The following COL21A1 variants were observed in gnomAD, a reference collection of about 807,000 sequenced individuals.
COL21A1 encodes the protein collagen alpha-1(XXI) chain.
COL21A1 carries 149 observed loss-of-function variants against 137.9 expected under a neutral mutation model. That is an observed-to-expected ratio of 1.08 (90% CI 0.95 to 1.24). COL21A1 has a LOEUF of 1.24. Ranked by LOEUF, COL21A1 falls within the 50% of genes most tolerant of loss-of-function variation. The pLI is 0.00. For synonymous variants in COL21A1, 456 were observed against 391.5 expected (o/e 1.16, Z -1.95); for missense variants, 1,167 against 1,158.4 (o/e 1.01, Z -0.11).
At chr6:56,306,334 T>G (rs1764451231) in intron 1 of COL21A1, among the ~76,000 whole-genome samples, 1 of 151,354 alleles carries the variant, frequency 6.6e-6, no homozygotes, top group South Asian at 2.1e-4. Flanking sequence ...GTTTTCCAAT[T>G]TGGTTCCATT....
chr6:56,267,284 T>C (rs1243340131), intron 1 of COL21A1, among the ~76,000 whole-genome samples: 2 of 152,212 alleles, frequency 1.3e-5, no homozygotes, highest in Non-Finnish European at 2.9e-5. Flanking sequence ...CCTAGTAACA[T>C]TGCCTGAATT....
chr6:56,373,736 C>CT (rs992386559), intron 1 of COL21A1, among the ~76,000 whole-genome samples: 1 of 152,134 alleles, frequency 6.6e-6, no homozygotes, highest in Non-Finnish European at 1.5e-5. Flanking sequence ...ACCTCACATA[C>CT]TTTTTTTGTA....
chr6:56,130,327 T>A (rs1167692275), intron 12 of COL21A1, among the ~76,000 whole-genome samples: 2 of 151,194 alleles, frequency 1.3e-5, no homozygotes, highest in Non-Finnish European at 2.9e-5. Flanking sequence ...GGCAGAGTTC[T>A]GAGAGAGAGA....
At chr6:56,324,940 G>A (rs1198961137) in intron 1 of COL21A1, among the ~76,000 whole-genome samples, 1 of 151,774 alleles carries the variant, frequency 6.6e-6, no homozygotes, top group African/African-American at 2.4e-5. Context: ...TATATACACA[G>A]TACTTTTATC....
intron 1 of COL21A1, among the ~76,000 whole-genome samples, chr6:56,237,199 T>A (rs1482611338): frequency 6.6e-6 from 1 of 152,032 alleles, no homozygotes; most frequent in African/African-American, 2.4e-5. Flanking sequence ...AGCAAAGTAG[T>A]GCACTCTAAA....
chr6:56,102,578 C>T (rs1770553584), intron 16 of COL21A1, among the ~76,000 whole-genome samples: 1 of 152,114 alleles, frequency 6.6e-6, no homozygotes, highest in Admixed American at 6.5e-5. Flanking sequence ...TCTAAGAATG[C>T]AATGCACTGA....
chr6:56,332,967 C>A (rs1439264409), intron 1 of COL21A1, among the ~76,000 whole-genome samples: 1 of 151,920 alleles, frequency 6.6e-6, no homozygotes, highest in Non-Finnish European at 1.5e-5. Context: ...TGTCATTTTT[C>A]ATTTAGTTTT....
chr6:56,359,963 C>CA (rs1299250884), intron 1 of COL21A1, among the ~76,000 whole-genome samples: 1 of 152,172 alleles, frequency 6.6e-6, no homozygotes, highest in Non-Finnish European at 1.5e-5. Flanking sequence ...ATGATGTGCT[C>CA]AAAACATCAC....
chr6:56,270,070 T>C (rs2152332247), intron 1 of COL21A1, among the ~76,000 whole-genome samples: 1 of 152,216 alleles, frequency 6.6e-6, no homozygotes, highest in Middle Eastern at 3.4e-3. Flanking sequence ...AAATAAAATT[T>C]CACATATCAA....
intron 1 of COL21A1, among the ~76,000 whole-genome samples, chr6:56,201,082 G>T (rs1320696479): frequency 2.9e-4 from 44 of 152,076 alleles, no homozygotes; most frequent in Admixed American, 2.1e-3. Flanking sequence ...TCATGTGTCT[G>T]TTGGCTGCAT....
chr6:56,283,888 T>A (rs1307192044), intron 1 of COL21A1, among the ~76,000 whole-genome samples: 6 of 151,944 alleles, frequency 3.9e-5, no homozygotes, highest in Admixed American at 2.0e-4. Context: ...TCTCTCTCTC[T>A]CTCTCTCTCT....
chr6:56,387,438 G>A (rs10456734), intron 1 of COL21A1, among the ~76,000 whole-genome samples: 8,675 of 149,560 alleles, frequency 0.058, 330 homozygotes, highest in Non-Finnish European at 0.093. Context: ...ATGCAAGAAA[G>A]CACCTTCACA....
chr6:56,295,261 A>G (rs994373975), intron 1 of COL21A1, among the ~76,000 whole-genome samples: 4 of 151,956 alleles, frequency 2.6e-5, no homozygotes, highest in African/African-American at 7.2e-5. Flanking sequence ...GACTACATTC[A>G]TGTGAGTCTA....
At chr6:56,226,339 T>C (rs190794596) in intron 1 of COL21A1, among the ~76,000 whole-genome samples, 9 of 152,188 alleles carry the variant, frequency 5.9e-5, no homozygotes, top group Admixed American at 2.0e-4. Context: ...TCCTCGTTAT[T>C]TAATGTATAT....
intron 17 of COL21A1, among the ~76,000 whole-genome samples, chr6:56,088,374 A>C (rs1768464147): frequency 6.6e-6 from 1 of 152,112 alleles, no homozygotes; most frequent in Admixed American, 6.6e-5. Flanking sequence ...AAAAAAAAAT[A>C]ATTTTGCTCT....
chr6:56,129,675 CGTGT>C (rs78820557), intron 12 of COL21A1, among the ~76,000 whole-genome samples: 10,627 of 136,424 alleles, frequency 0.078, 435 homozygotes, highest in Middle Eastern at 0.12. Context: ...CACGTGCGTG[CGTGT>C]GTGTGTGTGT....
At chr6:56,189,746 GC>G (rs1442789341) in intron 1 of COL21A1, among the ~76,000 whole-genome samples, 1 of 152,192 alleles carries the variant, frequency 6.6e-6, no homozygotes, top group East Asian at 1.9e-4. Context: ...ATAAACAGAA[GC>G]CCATCAGGCT....
intron 3 of COL21A1, among the ~76,000 whole-genome samples, chr6:56,174,585 T>C (rs1377859635): frequency 6.6e-6 from 1 of 151,878 alleles, no homozygotes; most frequent in Non-Finnish European, 1.5e-5. Flanking sequence ...CTAGAACATA[T>C]AACCTACCAA....
intron 1 of COL21A1, among the ~76,000 whole-genome samples, chr6:56,239,764 TC>T (rs1310306500): frequency 6.6e-6 from 1 of 152,068 alleles, no homozygotes. Flanking sequence ...TTTCAATGTG[TC>T]CCCTCCAAAA....
Sources: allele counts gnomAD v4.1 joint callset (sites outside exome capture counted in the v4.1 genomes callset), GRCh38; gene constraint gnomAD v4.1.1; transcripts MANE v1.5; gene names NCBI Gene and HGNC (gene_info 2026-07-23, HGNC 2026-07-21).